The following PTPRD variants were observed in gnomAD, a reference collection of about 807,000 sequenced individuals.
The protein encoded by PTPRD is receptor-type tyrosine-protein phosphatase delta.
A neutral mutation model predicts 214.5 loss-of-function variants in PTPRD; 34 were observed. The ratio of observed to expected loss-of-function variants is 0.16; its 90% CI spans 0.12 to 0.21. PTPRD has a LOEUF of 0.21. PTPRD is among the 10% of genes least tolerant of loss of function. The probability of loss-of-function intolerance (pLI) is 1.00; values close to 1 mark genes in which losing one functional copy is unlikely to be tolerated. For synonymous variants in PTPRD, 1,128 were observed against 845.7 expected (o/e 1.33, Z -5.79); for missense variants, 2,545 against 2,398.7 (o/e 1.06, Z -1.27).
intron 2 of PTPRD, among the ~76,000 whole-genome samples, chr9:10,398,146 A>G (rs1001914281): frequency 2.6e-5 from 4 of 151,610 alleles, no homozygotes; most frequent in African/African-American, 9.7e-5. Flanking sequence ...GGGAAGGTGG[A>G]GGCCAGAGGA....
At chr9:8,688,623 T>TA (rs1422636402) in intron 12 of PTPRD, among the ~76,000 whole-genome samples, 39 of 150,438 alleles carry the variant, frequency 2.6e-4, no homozygotes, top group South Asian at 1.1e-3. Context: ...CAATAAGTTA[T>TA]AAAAAAAGAA....
chr9:10,145,318 G>A (rs909892535), intron 3 of PTPRD, among the ~76,000 whole-genome samples: 3 of 151,904 alleles, frequency 2.0e-5, no homozygotes, highest in African/African-American at 7.3e-5. Flanking sequence ...AACTGAATGG[G>A]TCCATCTTCT....
At chr9:10,370,089 A>T (rs538823078) in intron 2 of PTPRD, among the ~76,000 whole-genome samples, 1 of 152,128 alleles carries the variant, frequency 6.6e-6, no homozygotes, top group African/African-American at 2.4e-5. Flanking sequence ...GAGGTCTTAC[A>T]GCTCACAATG....
intron 10 of PTPRD, among the ~76,000 whole-genome samples, chr9:9,066,322 A>T (rs1569523760): frequency 6.6e-6 from 1 of 152,130 alleles, no homozygotes; most frequent in Non-Finnish European, 1.5e-5. Context: ...GAATGTTTTA[A>T]AAAACATATT....
intron 3 of PTPRD, among the ~76,000 whole-genome samples, chr9:10,210,713 T>G (rs2099511865): frequency 1.4e-5 from 2 of 147,636 alleles, no homozygotes; most frequent in South Asian, 4.2e-4. Flanking sequence ...TACAAGAAGT[T>G]GTTTGATTTT....
At chr9:8,566,536 C>T (rs2089288323) in intron 14 of PTPRD, among the ~76,000 whole-genome samples, 1 of 152,126 alleles carries the variant, frequency 6.6e-6, no homozygotes. Context: ...TTCATTATAG[C>T]CATAACTTCA....
rs1023100731 is a variant in PTPRD at position 9,041,436 on chromosome 9, G to C, written c.-142-22701C>G. Among the ~76,000 whole-genome samples, 5 of 151,974 alleles carry C rather than the reference G, an allele frequency of 3.3e-5. No homozygotes were observed. The East Asian group carries it at 9.7e-4, about 29-fold the overall frequency. On this transcript the variant is annotated intron_variant, in intron 10 of 45. Coordinates refer to ENST00000381196, the MANE Select transcript of PTPRD (RefSeq NM_002839.4). The stretch of plus-strand genomic sequence containing the variant: ...TGTGTCCATGTGTTCTCACCATTTA[G>C]CTCCTACTTATAAGTAGGAACATGC...
chr9:8,803,597 G>A (rs2096614172), intron 11 of PTPRD, among the ~76,000 whole-genome samples: 1 of 152,066 alleles, frequency 6.6e-6, no homozygotes, highest in Admixed American at 6.6e-5. Flanking sequence ...GTCAGGCATG[G>A]TGGCACAGGC....
At chr9:9,281,453 T>C (rs1387052271) in intron 9 of PTPRD, among the ~76,000 whole-genome samples, 1 of 151,226 alleles carries the variant, frequency 6.6e-6, no homozygotes, top group Non-Finnish European at 1.5e-5. Flanking sequence ...AACACAGCCT[T>C]GATAAAGAAG....
intron 2 of PTPRD, among the ~76,000 whole-genome samples, chr9:10,382,296 G>T (rs1226404636): frequency 1.3e-5 from 2 of 151,834 alleles, no homozygotes; most frequent in African/African-American, 2.4e-5. Flanking sequence ...TTCTTCTTAT[G>T]AGTTGACAAA....
At chr9:9,573,999 A>C (rs911599320) in intron 8 of PTPRD, among the ~76,000 whole-genome samples, 1 of 151,850 alleles carries the variant, frequency 6.6e-6, no homozygotes, top group African/African-American at 2.4e-5. Flanking sequence ...AAATGCCCAC[A>C]TTATCTGGAT....
chr9:9,494,431 T>C (rs1589831652), intron 8 of PTPRD, among the ~76,000 whole-genome samples: 1 of 152,122 alleles, frequency 6.6e-6, no homozygotes, highest in African/African-American at 2.4e-5. Flanking sequence ...CTAAAGAAAT[T>C]GCCACAACCA....
At chr9:10,230,436 G>GTATCTATCTATCTATGTATCTATCTATC (rs1554901384) in intron 3 of PTPRD, among the ~76,000 whole-genome samples, 30 of 140,740 alleles carry the variant, frequency 2.1e-4, no homozygotes, top group East Asian at 4.1e-4. Context: ...ATGTATCTAT[G>GTATCTATCTATCTATGTATCTATCTATC]TATCTATCTA....
intron 3 of PTPRD, among the ~76,000 whole-genome samples, chr9:10,303,908 T>A (rs2095958454): frequency 6.6e-6 from 1 of 152,154 alleles, no homozygotes; most frequent in African/African-American, 2.4e-5. Context: ...CCCTAACTTA[T>A]TTTATGAGGC....
At chr9:10,016,337 T>C (rs986560714) in intron 4 of PTPRD, among the ~76,000 whole-genome samples, 2 of 149,590 alleles carry the variant, frequency 1.3e-5, no homozygotes, top group South Asian at 4.2e-4. Context: ...TCCAGGGAAA[T>C]GAGATAGATG....
intron 5 of PTPRD, among the ~76,000 whole-genome samples, chr9:9,805,807 T>C (rs2099069501): frequency 6.6e-6 from 1 of 152,128 alleles, no homozygotes; most frequent in African/African-American, 2.4e-5. Flanking sequence ...ATGTTCCTCT[T>C]GAACTCAGAA....
intron 3 of PTPRD, among the ~76,000 whole-genome samples, chr9:10,047,251 G>A (rs570422031): frequency 2.7e-5 from 4 of 150,222 alleles, no homozygotes; most frequent in South Asian, 2.1e-4. Context: ...ATCTAGGATT[G>A]TATCCTAATC....
intron 8 of PTPRD, among the ~76,000 whole-genome samples, chr9:9,428,237 C>CA (rs531726821): frequency 1.1e-4 from 17 of 148,632 alleles, no homozygotes; most frequent in Middle Eastern, 3.4e-3. Context: ...AAATGGAAAA[C>CA]AAAAAAAAAG....
chr9:9,309,620 GA>G (rs1291397400), intron 9 of PTPRD, among the ~76,000 whole-genome samples: 1 of 152,096 alleles, frequency 6.6e-6, no homozygotes, highest in African/African-American at 2.4e-5. Flanking sequence ...GACTCTAAAA[GA>G]ATACTAACCC....
Sources: allele counts gnomAD v4.1 joint callset (sites outside exome capture counted in the v4.1 genomes callset), GRCh38; gene constraint gnomAD v4.1.1; transcripts MANE v1.5; gene names NCBI Gene and HGNC (gene_info 2026-07-23, HGNC 2026-07-21).